ZFPM2: variants seen among roughly 807,000 people sequenced by gnomAD.
ZFPM2 encodes zinc finger protein, FOG family member 2, also known as zinc finger protein ZFPM2.
A neutral mutation model predicts 98.6 loss-of-function variants in ZFPM2; 20 were observed. The observed-to-expected ratio is 0.20, with a 90% CI of 0.14 to 0.29. The LOEUF (loss-of-function observed/expected upper bound fraction) is 0.29, where lower values mean the gene tolerates loss of function less well. Ranked by LOEUF, ZFPM2 falls within the 10% of genes least tolerant of loss-of-function variation. The probability of loss-of-function intolerance (pLI) is 1.00; values close to 1 mark genes in which losing one functional copy is unlikely to be tolerated. For synonymous variants in ZFPM2, 518 were observed against 502.7 expected (o/e 1.03, Z -0.41); for missense variants, 1,310 against 1,388.6 (o/e 0.94, Z 0.90).
At chr8:105,548,635 C>A (rs935057647) in intron 3 of ZFPM2, among the ~76,000 whole-genome samples, 10 of 152,074 alleles carry the variant, frequency 6.6e-5, no homozygotes, top group African/African-American at 2.4e-4. Flanking sequence ...TTTTTGAAGA[C>A]ATTCTTTCTG....
At chr8:105,406,717 A>G (rs1332376186) in intron 1 of ZFPM2, among the ~76,000 whole-genome samples, 1 of 151,950 alleles carries the variant, frequency 6.6e-6, no homozygotes, top group Non-Finnish European at 1.5e-5. Context: ...AGAGCTGCTA[A>G]ATTTTTGAGA....
chr8:105,635,400 C>T (rs1181506517), intron 5 of ZFPM2, among the ~76,000 whole-genome samples: 1 of 151,954 alleles, frequency 6.6e-6, no homozygotes, highest in East Asian at 1.9e-4. Context: ...AGAGGATTGT[C>T]TCTTAACTAC....
At chr8:105,586,375 G>A (rs556482698) in intron 4 of ZFPM2, among the ~76,000 whole-genome samples, 13 of 151,654 alleles carry the variant, frequency 8.6e-5, no homozygotes, top group Non-Finnish European at 1.8e-4. Context: ...CATATTTTTA[G>A]AGAAGTACAC....
In ZFPM2 at chr8:105,441,434, A is replaced by AAGAGAGAGAGAGAGAGAG. The variant is rs35365518; in HGVS notation, c.200-2842_200-2825dup. On this transcript the variant is annotated intron_variant, in intron 2 of 7. Coordinates refer to ENST00000407775, the MANE Select transcript of ZFPM2 (RefSeq NM_012082.4). The stretch of plus-strand genomic sequence containing the variant: ...CTCAACAAAAAAAAAGAAAGAAAGA[A>AAGAGAGAGAGAGAGAGAG]AGAGAGAGAGAGAGAGAGAGAAAGA... 2.1e-5 allele frequency among the ~76,000 whole-genome samples: 2 copies of AAGAGAGAGAGAGAGAGAG among 95,028 alleles called. 1 individual carries two copies. Among genetic ancestry groups the AAGAGAGAGAGAGAGAGAG allele is most frequent in the African/African-American group, 1.2e-4 (2 of 16,118 alleles). The allele number at this position is 95,028 out of a possible 152,430, so 62.3% of individuals were successfully genotyped here. A position where few individuals can be genotyped will look rare whatever the true frequency, so the allele number is the denominator to read the frequency against.
intron 5 of ZFPM2, among the ~76,000 whole-genome samples, chr8:105,723,812 T>C (rs1257619004): frequency 1.3e-5 from 2 of 151,842 alleles, no homozygotes; most frequent in Non-Finnish European, 2.9e-5. Context: ...TTTTCTTTCT[T>C]ACTAATAAAT....
chr8:105,514,258 C>A (rs1179704460), intron 3 of ZFPM2, among the ~76,000 whole-genome samples: 2 of 150,832 alleles, frequency 1.3e-5, no homozygotes, highest in Non-Finnish European at 2.9e-5. Flanking sequence ...CTGCCTTGGC[C>A]TCCCAAAGTG....
At chr8:105,462,980 T>A (rs1218916329) in intron 3 of ZFPM2, among the ~76,000 whole-genome samples, 1 of 152,040 alleles carries the variant, frequency 6.6e-6, no homozygotes, top group Admixed American at 6.6e-5. Flanking sequence ...CTCCTTATGC[T>A]CAGCTTCATT....
intron 3 of ZFPM2, among the ~76,000 whole-genome samples, chr8:105,539,665 G>A (rs1814535216): frequency 6.6e-6 from 1 of 151,980 alleles, no homozygotes; most frequent in Non-Finnish European, 1.5e-5. Context: ...AAAGAACCTT[G>A]GATTTATTAT....
chr8:105,692,101 T>G (rs1223298126), intron 5 of ZFPM2, among the ~76,000 whole-genome samples: 4 of 152,228 alleles, frequency 2.6e-5, no homozygotes, highest in African/African-American at 9.6e-5. Context: ...ATGAATCTAC[T>G]ATGAACATAG....
At chr8:105,331,153 T>C (rs1812225565) in intron 1 of ZFPM2, among the ~76,000 whole-genome samples, 2 of 127,440 alleles carry the variant, frequency 1.6e-5, no homozygotes, top group South Asian at 5.0e-4. Flanking sequence ...TATTATATTT[T>C]ATATATATAT....
chr8:105,611,751 T>G (rs796139116), intron 4 of ZFPM2, among the ~76,000 whole-genome samples: 1 of 151,096 alleles, frequency 6.6e-6, no homozygotes, highest in Non-Finnish European at 1.5e-5. Flanking sequence ...CAGTCTGGAG[T>G]GCAATGGTGC....
intron 1 of ZFPM2, among the ~76,000 whole-genome samples, chr8:105,415,762 A>G (rs1443723206): frequency 6.6e-6 from 1 of 152,160 alleles, no homozygotes; most frequent in Non-Finnish European, 1.5e-5. Flanking sequence ...GCATTTTAAA[A>G]GAAACCTTTT....
intron 5 of ZFPM2, among the ~76,000 whole-genome samples, chr8:105,771,167 A>G (rs1471961209): frequency 1.3e-5 from 2 of 152,026 alleles, no homozygotes; most frequent in Non-Finnish European, 2.9e-5. Context: ...TCCTTCCTGT[A>G]CCCTGATTTT....
At chr8:105,689,184 C>T (rs1045673447) in intron 5 of ZFPM2, among the ~76,000 whole-genome samples, 1 of 152,102 alleles carries the variant, frequency 6.6e-6, no homozygotes. Flanking sequence ...CTTCTGTAAC[C>T]ACCTCAACCA....
intron 3 of ZFPM2, among the ~76,000 whole-genome samples, chr8:105,469,166 C>T (rs1250924155): frequency 6.6e-6 from 1 of 152,118 alleles, no homozygotes; most frequent in East Asian, 1.9e-4. Flanking sequence ...TTATCTTTGC[C>T]CACTTATATA....
intron 5 of ZFPM2, 145 bp from the exon 6 acceptor site, chr8:105,788,573 A>G (rs1378502810): frequency 2.7e-6 from 2 of 744,164 alleles, no homozygotes; most frequent in African/African-American, 1.7e-5. Flanking sequence ...AGCAAGAGGA[A>G]CACAGCTGTT....
rs796651848 is a variant in ZFPM2, at chr8:105,508,934, C to T, written c.302-52429C>T. ...TTGAGTGTGTTTAGATTTAAGCTAC[C>T]CCAGCAGAAAAGAGTTTGTGAAGTG... On this transcript the variant is annotated intron_variant, in intron 3 of 7. Transcript: ENST00000407775. Among the ~76,000 whole-genome samples, 25 of 151,732 alleles carry T rather than the reference C, an allele frequency of 1.6e-4. 1 individual carries two copies. The highest frequency in any genetic ancestry group is 6.0e-4 in the African/African-American group (25 of 41,372).
intron 3 of ZFPM2, among the ~76,000 whole-genome samples, chr8:105,506,823 T>TA (rs1418674783): frequency 5.3e-5 from 8 of 151,590 alleles, no homozygotes; most frequent in Non-Finnish European, 5.9e-5. Flanking sequence ...CCGTCTCTAC[T>TA]AAAAAATACA....
intron 1 of ZFPM2, among the ~76,000 whole-genome samples, chr8:105,347,575 A>G (rs2129694498): frequency 6.6e-6 from 1 of 152,300 alleles, no homozygotes; most frequent in African/African-American, 2.4e-5. Context: ...AAGCAGGTAC[A>G]GAAAAGAGTG....
Sources: gnomAD v4.1 joint callset for allele counts (sites outside exome capture counted in the v4.1 genomes callset) on GRCh38, gnomAD v4.1.1 for gene constraint, MANE v1.5 for transcripts, NCBI Gene and HGNC (gene_info 2026-07-23, HGNC 2026-07-21) for gene names.